Variants in CDH23 observed in about 807,000 individuals in gnomAD.
The protein encoded by CDH23 is cadherin-23.
A neutral mutation model predicts 317.1 loss-of-function variants in CDH23; 189 were observed. That is an observed-to-expected ratio of 0.60 (90% CI 0.53 to 0.67). The LOEUF (loss-of-function observed/expected upper bound fraction) is 0.67, where lower values mean the gene tolerates loss of function less well. Among genes scored for constraint, CDH23 ranks in the 30% least tolerant of loss-of-function variants. The pLI is 0.00. For missense variants in CDH23, 4,401 were observed against 4,592.4 expected (o/e 0.96, Z 1.20); for synonymous variants, 1,839 against 1,876.8 (o/e 0.98, Z 0.52).
chr10:71,708,134 A>C (rs540370951), intron 26 of CDH23, among the ~76,000 whole-genome samples: 9 of 152,282 alleles, frequency 5.9e-5, no homozygotes, highest in African/African-American at 2.2e-4. Context: ...CCCGGGAGTC[A>C]GAGTGTGTCC....
intron 26 of CDH23, among the ~76,000 whole-genome samples, chr10:71,708,127 G>A (rs112236913): frequency 8.5e-5 from 13 of 152,228 alleles, no homozygotes; most frequent in African/African-American, 2.6e-4. Context: ...TGGGCTCCCC[G>A]GGAGTCAGAG....
chr10:71,520,309 G>C (rs1042497777), intron 6 of CDH23, among the ~76,000 whole-genome samples: 1 of 152,170 alleles, frequency 6.6e-6, no homozygotes, highest in African/African-American at 2.4e-5. Flanking sequence ...GGAAAAAAAT[G>C]AAAGAGTCAT....
chr10:71,609,622 C>G (rs532458218), intron 9 of CDH23, among the ~76,000 whole-genome samples: 2 of 152,364 alleles, frequency 1.3e-5, no homozygotes, highest in East Asian at 3.9e-4. Context: ...GCACCCGGCA[C>G]TAGGCTGGTT....
chr10:71,566,808 A>T lies in CDH23; in HGVS notation c.496A>T (p.Ser166Cys). ...ATDPDLGAGG[S>C]VLYSFQPPSQ... ...AGACCCCGACTTGGGGGCAGGGGGC[A>T]GCGTCCTCTACTCCTTCCAGCCCCC... The change falls in exon 7 of 70, where the codon AGC (serine) becomes TGC (cysteine). Residue 166 changes from serine (S) to cysteine (C), a missense_variant. By Grantham distance (112) the Ser-to-Cys change is moderately radical. Transcript: ENST00000224721. The T allele has an allele frequency of 6.2e-7, 1 of 1,613,728 alleles. No individual in the cohort carries two copies. Among genetic ancestry groups the T allele is most frequent in the Non-Finnish European group, 8.5e-7 (1 of 1,179,662 alleles).
intron 3 of CDH23, among the ~76,000 whole-genome samples, chr10:71,505,562 A>G (rs1853587542): frequency 1.3e-5 from 2 of 152,006 alleles, no homozygotes; most frequent in Admixed American, 6.6e-5. Context: ...GATGGCCGGA[A>G]CCCCTCGGGA....
intron 3 of CDH23, among the ~76,000 whole-genome samples, chr10:71,483,964 A>G (rs1030184320): frequency 5.3e-5 from 8 of 151,970 alleles, no homozygotes; most frequent in Non-Finnish European, 1.2e-4. Context: ...CGGAGCCTTC[A>G]AAGGAGGTGC....
At chr10:71,473,775 AG>A (rs2132094972) in intron 3 of CDH23, among the ~76,000 whole-genome samples, 1 of 152,310 alleles carries the variant, frequency 6.6e-6, no homozygotes, top group Non-Finnish European at 1.5e-5. Context: ...AGGCCCTTGC[AG>A]TATGGCTACT....
chr10:71,427,195 G>GAGAAAGAAAGAAAAAAAGAAAGAA (rs1849122716), intron 1 of CDH23, among the ~76,000 whole-genome samples: 1 of 98,948 alleles, frequency 1.0e-5, no homozygotes, highest in South Asian at 3.6e-4. Context: ...AGGAAGGAAA[G>GAGAAAGAAAGAAAAAAAGAAAGAA]AGAAAGAAAG....
intron 2 of CDH23, among the ~76,000 whole-genome samples, chr10:71,444,934 T>C (rs182168847): frequency 1.2e-4 from 18 of 152,282 alleles, no homozygotes; most frequent in African/African-American, 4.3e-4. Flanking sequence ...TGGGAGGGAC[T>C]GAGGGGAAGT....
chr10:71,692,272 T>C (rs1264633304), intron 20 of CDH23, among the ~76,000 whole-genome samples: 1 of 152,170 alleles, frequency 6.6e-6, no homozygotes, highest in Non-Finnish European at 1.5e-5. Context: ...TCCCTGGCCT[T>C]TTAGCCACCC....
chr10:71,808,413 C>T (rs1182308683), intron 60 of CDH23, among the ~76,000 whole-genome samples: 1 of 152,208 alleles, frequency 6.6e-6, no homozygotes, highest in East Asian at 1.9e-4. Context: ...CATCTGTCCA[C>T]CTACCCATCT....
Position 71,809,851 on chromosome 10 carries a change from C to A in CDH23, c.8754C>A (p.Asp2918Glu), listed in dbSNP as rs1841863410. 1 of 1,613,252 alleles carries A rather than the reference C, an allele frequency of 6.2e-7. No homozygotes were observed. Among genetic ancestry groups the A allele is most frequent in the Admixed American group, 1.7e-5 (1 of 60,016 alleles). ...GSMDGILRTFDLFMAYSPGYF... is the reference protein window; with the variant it reads ...GSMDGILRTFELFMAYSPGYF... ...TGGACGGCATTCTGCGCACCTTCGA[C>A]CTCTTCATGGCCTACAGCCCCGGCT... Residue 2918 changes from aspartate (D) to glutamate (E), a missense_variant, in exon 61 of 70, where the codon GAC (aspartate) becomes GAA (glutamate). Physicochemically the swap from Asp to Glu is conservative, Grantham distance 45. This residue lies in a region of CDH23 where 1,144 missense variants were observed against 1,138.2 expected (regional missense o/e 1.01). Coordinates refer to ENST00000224721, the MANE Select transcript of CDH23 (RefSeq NM_022124.6).
rs34475820 is a variant in CDH23 at position 71,814,713 on chromosome 10, TAC to T, written c.9739-217_9739-216del. Among the ~76,000 whole-genome samples, 727 of 146,896 alleles carry T rather than the reference TAC, an allele frequency of 4.9e-3. 5 individuals are homozygous for T. Among genetic ancestry groups the T allele is most frequent in the Middle Eastern group, 0.029 (8 of 280 alleles). On this transcript the variant is annotated intron_variant, in intron 69 of 69. Transcript: ENST00000224721. ...ACACACAATTTTCACAAGAAGCCGA[TAC>T]ACACACACACACACACACACAGATT...
intron 38 of CDH23, 21 bp from the exon 39 acceptor site, chr10:71,777,659 G>T (rs374924576): frequency 1.9e-5 from 31 of 1,594,292 alleles, no homozygotes; most frequent in Non-Finnish European, 2.6e-5. Context: ...GACCAAGGAC[G>T]TGACCCACTC....
At chr10:71,627,298 G>A (rs983006079) in intron 11 of CDH23, among the ~76,000 whole-genome samples, 8 of 152,328 alleles carry the variant, frequency 5.3e-5, no homozygotes, top group South Asian at 2.1e-4. Context: ...AGAGAAGCTA[G>A]AGGGAGCGGA....
intron 6 of CDH23, among the ~76,000 whole-genome samples, chr10:71,556,919 C>A (rs574270982): frequency 2.4e-4 from 36 of 152,144 alleles, no homozygotes; most frequent in Non-Finnish European, 4.4e-4. Flanking sequence ...CCATCCTCTA[C>A]CTTATCTTTG....
chr10:71,758,555 C>G (rs1207195964), intron 38 of CDH23, among the ~76,000 whole-genome samples: 1 of 152,200 alleles, frequency 6.6e-6, no homozygotes, highest in Admixed American at 6.5e-5. Context: ...TAACTGCTAC[C>G]CACTGCACTG....
intron 14 of CDH23, among the ~76,000 whole-genome samples, chr10:71,666,143 A>G (rs761103390): frequency 7.2e-5 from 11 of 151,738 alleles, no homozygotes; most frequent in Non-Finnish European, 1.2e-4. Context: ...TCCTGTCCTC[A>G]CTGCTCTCCT....
At chr10:71,558,413 T>C (rs1169760437) in intron 6 of CDH23, among the ~76,000 whole-genome samples, 1 of 152,238 alleles carries the variant, frequency 6.6e-6, no homozygotes, top group Non-Finnish European at 1.5e-5. Flanking sequence ...TGTTTCTACT[T>C]TTGGGGAAAT....
Sources: allele counts gnomAD v4.1 joint callset (sites outside exome capture counted in the v4.1 genomes callset), GRCh38; gene constraint gnomAD v4.1.1; regional missense constraint gnomAD v4.1.1; transcripts MANE v1.5; gene names NCBI Gene and HGNC (gene_info 2026-07-23, HGNC 2026-07-21).